AFG2A: variants seen among roughly 807,000 people sequenced by gnomAD.
AFG2A encodes the protein ATPase family gene 2 protein homolog A.
At chr4:123,098,464 A>G in the AFG2A span, among the ~76,000 whole-genome samples, 1 of 151,940 alleles carries the variant, frequency 6.6e-6, no homozygotes, top group African/African-American at 2.4e-5. Flanking sequence ...AGACCTCTTG[A>G]ACTTATTTCT....
At chr4:123,299,723 GA>G in the AFG2A span, among the ~76,000 whole-genome samples, 2 of 152,164 alleles carry the variant, frequency 1.3e-5, no homozygotes, top group African/African-American at 4.8e-5. Context: ...TAAAGTATAT[GA>G]GTACAGTCCT....
the AFG2A span, among the ~76,000 whole-genome samples, chr4:123,075,040 T>G: frequency 6.6e-6 from 1 of 152,062 alleles, no homozygotes; most frequent in Non-Finnish European, 1.5e-5. Flanking sequence ...GCCTCCTGGG[T>G]TCAAGCAATT....
chr4:122,933,051 A>G, the AFG2A span, among the ~76,000 whole-genome samples: 1 of 152,236 alleles, frequency 6.6e-6, no homozygotes, highest in Non-Finnish European at 1.5e-5. Flanking sequence ...AATAGTGCTC[A>G]TATGTGTGCA....
At chr4:123,147,601 C>CGCTTA in the AFG2A span, among the ~76,000 whole-genome samples, 2 of 152,126 alleles carry the variant, frequency 1.3e-5, no homozygotes, top group Non-Finnish European at 2.9e-5. Context: ...AATTACTTCT[C>CGCTTA]GCTTATTTGT....
At chr4:123,178,757 A>G in the AFG2A span, among the ~76,000 whole-genome samples, 1 of 152,212 alleles carries the variant, frequency 6.6e-6, no homozygotes, top group African/African-American at 2.4e-5. Flanking sequence ...TATATTAAGA[A>G]TGTTAGCTTG....
the AFG2A span, among the ~76,000 whole-genome samples, chr4:123,272,075 A>C: frequency 6.6e-6 from 1 of 152,256 alleles, no homozygotes; most frequent in East Asian, 1.9e-4. Flanking sequence ...TTAACTTATA[A>C]ATGCTTCCAC....
chr4:123,308,523 T>G, the AFG2A span, among the ~76,000 whole-genome samples: 1 of 152,148 alleles, frequency 6.6e-6, no homozygotes, highest in African/African-American at 2.4e-5. Context: ...GGAACCCTAT[T>G]GTGAACTGTG....
At chr4:123,034,085 AT>A in the AFG2A span, among the ~76,000 whole-genome samples, 11 of 151,022 alleles carry the variant, frequency 7.3e-5, no homozygotes, top group African/African-American at 2.2e-4. Context: ...TTTTTAATAC[AT>A]TTTTTTTTCA....
At chr4:123,170,884 C>T in the AFG2A span, among the ~76,000 whole-genome samples, 6 of 152,074 alleles carry the variant, frequency 3.9e-5, no homozygotes, top group Non-Finnish European at 7.4e-5. Context: ...GCAACCTACT[C>T]GGCCTCAATT....
At chr4:123,088,603 G>A in the AFG2A span, among the ~76,000 whole-genome samples, 1 of 152,144 alleles carries the variant, frequency 6.6e-6, no homozygotes, top group South Asian at 2.1e-4. Flanking sequence ...GGAGACTCCT[G>A]GTGGGAGGTG....
the AFG2A span, among the ~76,000 whole-genome samples, chr4:123,094,532 C>T: frequency 6.6e-6 from 1 of 151,970 alleles, no homozygotes; most frequent in Non-Finnish European, 1.5e-5. Flanking sequence ...CCAAGAGCAT[C>T]AAATCAAGCT....
At chr4:122,962,479 G>T in the AFG2A span, among the ~76,000 whole-genome samples, 17 of 152,128 alleles carry the variant, frequency 1.1e-4, no homozygotes, top group African/African-American at 4.1e-4. Context: ...AGTGAAGTGG[G>T]TATTTTAGTA....
the AFG2A span, among the ~76,000 whole-genome samples, chr4:123,022,721 A>G: frequency 6.6e-6 from 1 of 151,770 alleles, no homozygotes; most frequent in Admixed American, 6.6e-5. Flanking sequence ...TGCTGCTATA[A>G]AGACACATGC....
chr4:123,255,918 A>G, the AFG2A span: 2 of 1,377,106 alleles, frequency 1.5e-6, no homozygotes, highest in South Asian at 1.3e-5. Context: ...ATAATAGTGG[A>G]TTGTTCGTGA....
chr4:123,260,972 C>T, the AFG2A span, among the ~76,000 whole-genome samples: 2 of 152,196 alleles, frequency 1.3e-5, no homozygotes, highest in Non-Finnish European at 1.5e-5. Flanking sequence ...TCAGCAGTGG[C>T]ATTAGACTCT....
chr4:123,146,493 T>A, the AFG2A span, among the ~76,000 whole-genome samples: 5 of 152,114 alleles, frequency 3.3e-5, no homozygotes, highest in African/African-American at 1.2e-4. Flanking sequence ...AATTTTGAGG[T>A]TCTTGTATTC....
chr4:123,063,661 G>A, the AFG2A span, among the ~76,000 whole-genome samples: 1 of 152,022 alleles, frequency 6.6e-6, no homozygotes, highest in Non-Finnish European at 1.5e-5. Context: ...CAGGAGAATG[G>A]CGTGAACTCA....
chr4:123,003,602 G>A, the AFG2A span, among the ~76,000 whole-genome samples: 17,319 of 152,186 alleles, frequency 0.11, 1,081 homozygotes, highest in Middle Eastern at 0.21. Context: ...TATCAGCAGC[G>A]CTGTCTGCAG....
chr4:123,249,291 G>A, the AFG2A span, among the ~76,000 whole-genome samples: 9 of 152,162 alleles, frequency 5.9e-5, no homozygotes, highest in East Asian at 1.9e-4. Context: ...AGAAAGCAGC[G>A]TGGTGAGTTT....
Sources: allele counts gnomAD v4.1 joint callset (sites outside exome capture counted in the v4.1 genomes callset), GRCh38; gene constraint gnomAD v4.1.1; transcripts MANE v1.5; gene names NCBI Gene and HGNC (gene_info 2026-07-23, HGNC 2026-07-21).